Variants in MARCHF3 observed in about 807,000 individuals in gnomAD.
MARCHF3 encodes E3 ubiquitin-protein ligase MARCHF3.
Under a neutral mutation model 24.2 loss-of-function variants are expected in MARCHF3, and 13 were observed. The observed-to-expected ratio is 0.54, with a 90% CI of 0.35 to 0.85. The LOEUF is 0.85. Ranked by LOEUF, MARCHF3 falls within the 40% of genes least tolerant of loss-of-function variation. The pLI, the probability that MARCHF3 is intolerant of heterozygous loss-of-function variation, is 0.01. For missense variants in MARCHF3, 276 were observed against 325.0 expected (o/e 0.85, Z 1.16); for synonymous variants, 144 against 137.3 (o/e 1.05, Z -0.34).
chr5:127,027,703 CAG>C (rs1338756957), intron 1 of MARCHF3, among the ~76,000 whole-genome samples: 14 of 152,202 alleles, frequency 9.2e-5, no homozygotes, highest in Admixed American at 2.6e-4. Context: ...TTGTTGAAGA[CAG>C]AGAGTTAATG....
intron 3 of MARCHF3, among the ~76,000 whole-genome samples, chr5:126,895,120 CA>C (rs2126778630): frequency 6.6e-6 from 1 of 152,194 alleles, no homozygotes; most frequent in African/African-American, 2.4e-5. Context: ...GAGGCTTCTG[CA>C]TTCTTCACGT....
At chr5:126,949,574 A>C (rs1373829274) in intron 1 of MARCHF3, among the ~76,000 whole-genome samples, 1 of 152,132 alleles carries the variant, frequency 6.6e-6, no homozygotes, top group Non-Finnish European at 1.5e-5. Context: ...GCAACCCTTC[A>C]TCTGAGACCC....
At chr5:126,942,264 G>A (rs1182196415) in intron 1 of MARCHF3, among the ~76,000 whole-genome samples, 1 of 151,982 alleles carries the variant, frequency 6.6e-6, no homozygotes, top group African/African-American at 2.4e-5. Flanking sequence ...TTCTGTAAAG[G>A]GCCAGATAGT....
chr5:126,967,102 T>C (rs771147441), intron 1 of MARCHF3, among the ~76,000 whole-genome samples: 7 of 151,788 alleles, frequency 4.6e-5, no homozygotes, highest in African/African-American at 9.7e-5. Flanking sequence ...TGTTTTTCTA[T>C]TGGAGTTGTT....
At chr5:127,021,404 T>C (rs996966740) in intron 1 of MARCHF3, among the ~76,000 whole-genome samples, 1 of 152,236 alleles carries the variant, frequency 6.6e-6, no homozygotes, top group African/African-American at 2.4e-5. Context: ...TTTAGAATTA[T>C]AAATTTTGCA....
rs904816992 is a variant in MARCHF3, at chr5:126,970,744, G to A, written c.-56-52517C>T. On this transcript the variant is annotated intron_variant, in intron 1 of 4. Transcript: ENST00000308660. ...TTTCCAAAAAGGTCCAGAGCAATCCGCATGTATTCTGTCACCTCTACTTCC... is the reference window on the plus strand; with the variant it reads ...TTTCCAAAAAGGTCCAGAGCAATCCACATGTATTCTGTCACCTCTACTTCC... Among the ~76,000 whole-genome samples the A allele has an allele frequency of 1.2e-4, 18 of 152,184 alleles. 1 individual carries two copies. Among genetic ancestry groups the A allele is most frequent in the Admixed American group, 1.1e-3 (17 of 15,284 alleles).
chr5:126,937,775 A>G (rs1410939828), intron 1 of MARCHF3, among the ~76,000 whole-genome samples: 3 of 152,208 alleles, frequency 2.0e-5, no homozygotes, highest in Non-Finnish European at 2.9e-5. Flanking sequence ...GAGAAGAAAG[A>G]GTAGGGAAAT....
At chr5:126,972,584 A>C (rs779214774) in intron 1 of MARCHF3, among the ~76,000 whole-genome samples, 1 of 152,146 alleles carries the variant, frequency 6.6e-6, no homozygotes, top group African/African-American at 2.4e-5. Flanking sequence ...GATGCCATTC[A>C]TTAATTGAGG....
chr5:126,904,082 C>T (rs1268949283), intron 3 of MARCHF3, among the ~76,000 whole-genome samples: 7 of 150,296 alleles, frequency 4.7e-5, no homozygotes, highest in Non-Finnish European at 7.4e-5. Context: ...TTTGTTCTTG[C>T]GATAGTTTAC....
At chr5:126,960,813 T>C (rs1212724309) in intron 1 of MARCHF3, among the ~76,000 whole-genome samples, 2 of 152,018 alleles carry the variant, frequency 1.3e-5, no homozygotes, top group Non-Finnish European at 2.9e-5. Flanking sequence ...ATATTAAAAA[T>C]TATATATCAT....
At chr5:127,006,737 C>T (rs1428376405) in intron 1 of MARCHF3, among the ~76,000 whole-genome samples, 2 of 152,110 alleles carry the variant, frequency 1.3e-5, no homozygotes, top group Non-Finnish European at 2.9e-5. Flanking sequence ...CTGTGAGGTA[C>T]AAAAGATTTT....
intron 1 of MARCHF3, among the ~76,000 whole-genome samples, chr5:127,016,274 T>C (rs1367189127): frequency 6.6e-6 from 1 of 152,188 alleles, no homozygotes; most frequent in Non-Finnish European, 1.5e-5. Flanking sequence ...AATGAAAAAT[T>C]ATGTGTATTG....
At position 126,869,371 on chromosome 5, in the gene MARCHF3, T is replaced by A. The variant is rs945254199; in HGVS notation, c.*1262A>T. 2 of 152,160 alleles carry A rather than the reference T, an allele frequency of 1.3e-5. No homozygotes were observed. The highest frequency in any genetic ancestry group is 2.9e-5 in the Non-Finnish European group (2 of 68,034). 9.4% of individuals were successfully genotyped at this position (152,160 alleles called of 1,614,324 possible). The stretch of plus-strand genomic sequence containing the variant: ...CAGCCAGCGCTCTCCTCAGAAGACA[T>A]CCGCTCCTGCCTCGGTGCGCGCACA... On this transcript the variant is annotated 3_prime_UTR_variant, in exon 5 of 5. Coordinates refer to ENST00000308660, the MANE Select transcript of MARCHF3 (RefSeq NM_178450.5).
chr5:127,012,685 T>C (rs1487184035), intron 1 of MARCHF3, among the ~76,000 whole-genome samples: 1 of 152,128 alleles, frequency 6.6e-6, no homozygotes, highest in Non-Finnish European at 1.5e-5. Context: ...ACAATAAGAT[T>C]GCAAATACCT....
intron 3 of MARCHF3, among the ~76,000 whole-genome samples, chr5:126,888,000 G>C (rs1034163728): frequency 2.0e-5 from 3 of 152,190 alleles, no homozygotes; most frequent in African/African-American, 4.8e-5. Context: ...GTTAGTACAT[G>C]AGATTCTTCT....
intron 3 of MARCHF3, among the ~76,000 whole-genome samples, chr5:126,883,574 C>T (rs541764140): frequency 1.6e-4 from 25 of 152,334 alleles, no homozygotes; most frequent in Non-Finnish European, 2.5e-4. Context: ...CTTGCCACAG[C>T]ATCATTCACT....
chr5:126,873,750 G>A (rs1753050825), intron 4 of MARCHF3, among the ~76,000 whole-genome samples: 1 of 152,232 alleles, frequency 6.6e-6, no homozygotes, highest in Non-Finnish European at 1.5e-5. Flanking sequence ...TATTTTAATT[G>A]TGGTTAATCA....
At chr5:127,022,893 T>A (rs1752854456) in intron 1 of MARCHF3, among the ~76,000 whole-genome samples, 1 of 152,204 alleles carries the variant, frequency 6.6e-6, no homozygotes, top group South Asian at 2.1e-4. Context: ...ATCTCCCAGA[T>A]GAGACAGAAA....
intron 1 of MARCHF3, among the ~76,000 whole-genome samples, chr5:127,011,944 G>T (rs1055718111): frequency 1.3e-5 from 2 of 152,186 alleles, no homozygotes; most frequent in Non-Finnish European, 2.9e-5. Context: ...TGGAATGGCC[G>T]ATTAAAAGGT....
Sources: allele counts gnomAD v4.1 joint callset (sites outside exome capture counted in the v4.1 genomes callset), GRCh38; gene constraint gnomAD v4.1.1; transcripts MANE v1.5; gene names NCBI Gene and HGNC (gene_info 2026-07-23, HGNC 2026-07-21).